The following LCLAT1 variants were observed in gnomAD, a reference collection of about 807,000 sequenced individuals.
LCLAT1 encodes lysocardiolipin acyltransferase 1.
LCLAT1 carries 11 observed loss-of-function variants against 30.7 expected under a neutral mutation model. The observed-to-expected ratio is 0.36, with a 90% CI of 0.23 to 0.59. LCLAT1 has a LOEUF of 0.59. LCLAT1 is among the 20% of genes least tolerant of loss of function. The probability of loss-of-function intolerance (pLI) is 0.77; values close to 1 mark genes in which losing one functional copy is unlikely to be tolerated. For missense variants in LCLAT1, 402 were observed against 458.6 expected (o/e 0.88, Z 1.13); for synonymous variants, 155 against 151.3 (o/e 1.02, Z -0.18).
chr2:30,531,684 T>A (rs1253811137), intron 2 of LCLAT1, among the ~76,000 whole-genome samples: 1 of 152,234 alleles, frequency 6.6e-6, no homozygotes, highest in African/African-American at 2.4e-5. Context: ...ACTTTGACTC[T>A]GTAACAATTT....
At chr2:30,476,085 A>C (rs1362570931) in intron 1 of LCLAT1, among the ~76,000 whole-genome samples, 2 of 152,236 alleles carry the variant, frequency 1.3e-5, no homozygotes, top group Non-Finnish European at 2.9e-5. Context: ...TTCCAAAGGT[A>C]GTATAGGTCA....
chr2:30,557,680 G>A (rs1423487374), intron 3 of LCLAT1, among the ~76,000 whole-genome samples: 1 of 151,936 alleles, frequency 6.6e-6, no homozygotes, highest in Non-Finnish European at 1.5e-5. Context: ...CTCCCAAAGT[G>A]CTGGGATTAC....
At chr2:30,577,060 T>C (rs995553381) in intron 5 of LCLAT1, among the ~76,000 whole-genome samples, 5 of 150,572 alleles carry the variant, frequency 3.3e-5, no homozygotes, top group African/African-American at 1.2e-4. Context: ...TTTCTCCATT[T>C]TATTTTGCAT....
chr2:30,526,009 G>A (rs1351483297), intron 2 of LCLAT1, among the ~76,000 whole-genome samples: 1 of 152,198 alleles, frequency 6.6e-6, no homozygotes, highest in Non-Finnish European at 1.5e-5. Context: ...TGCATCCTCA[G>A]TACAGGCTTA....
At chr2:30,469,574 CTTT>C (rs199634493) in intron 1 of LCLAT1, among the ~76,000 whole-genome samples, 1 of 103,838 alleles carries the variant, frequency 9.6e-6, no homozygotes, top group Non-Finnish European at 1.9e-5. Context: ...CAGGTCTCTT[CTTT>C]TTTTTTTTTT....
chr2:30,471,690 A>T (rs1013332313), intron 1 of LCLAT1, among the ~76,000 whole-genome samples: 2 of 152,042 alleles, frequency 1.3e-5, no homozygotes, highest in Non-Finnish European at 2.9e-5. Context: ...TTTGTTTATT[A>T]CTGGTGCGTA....
chr2:30,625,674 T>G (rs192556463), intron 5 of LCLAT1, among the ~76,000 whole-genome samples: 20 of 152,366 alleles, frequency 1.3e-4, no homozygotes, highest in Admixed American at 1.3e-3. Context: ...TTAATCTGTA[T>G]TGTTATATAT....
At chr2:30,624,416 G>T (rs1014335515) in intron 5 of LCLAT1, among the ~76,000 whole-genome samples, 3 of 152,166 alleles carry the variant, frequency 2.0e-5, no homozygotes, top group Non-Finnish European at 4.4e-5. Flanking sequence ...AGGTAAAGGG[G>T]TGGGAAAGAT....
At chr2:30,555,383 G>A (rs928085850) in intron 3 of LCLAT1, among the ~76,000 whole-genome samples, 21 of 152,032 alleles carry the variant, frequency 1.4e-4, no homozygotes, top group Admixed American at 4.6e-4. Flanking sequence ...GCAACAAGAA[G>A]AAATGATGAG....
At chr2:30,552,981 C>G (rs935122815) in intron 3 of LCLAT1, among the ~76,000 whole-genome samples, 1 of 152,124 alleles carries the variant, frequency 6.6e-6, no homozygotes, top group Non-Finnish European at 1.5e-5. Flanking sequence ...CTTTCTTCCG[C>G]CCTGCTTTTT....
chr2:30,498,669 T>C (rs1684228992), intron 1 of LCLAT1, among the ~76,000 whole-genome samples: 1 of 152,212 alleles, frequency 6.6e-6, no homozygotes, highest in Admixed American at 6.5e-5. Flanking sequence ...ATGGGCATGT[T>C]TGAATGTTTC....
chr2:30,488,523 A>G (rs1476930587), intron 1 of LCLAT1, among the ~76,000 whole-genome samples: 1 of 152,156 alleles, frequency 6.6e-6, no homozygotes, highest in East Asian at 1.9e-4. Flanking sequence ...TTTTCTTTTA[A>G]TGGTTTATAT....
At chr2:30,521,814 C>T (rs771928247) in intron 1 of LCLAT1, among the ~76,000 whole-genome samples, 72 of 151,936 alleles carry the variant, frequency 4.7e-4, no homozygotes, top group Admixed American at 1.4e-3. Context: ...ACCCCCTAAA[C>T]TTATATTGTG....
intron 5 of LCLAT1, among the ~76,000 whole-genome samples, chr2:30,582,638 C>T (rs1427979920): frequency 1.3e-5 from 2 of 152,202 alleles, no homozygotes; most frequent in East Asian, 1.9e-4. Context: ...TTAAAAATTT[C>T]ATCCCCATAG....
chr2:30,613,498 C>T (rs1414833864), intron 5 of LCLAT1, among the ~76,000 whole-genome samples: 3 of 151,412 alleles, frequency 2.0e-5, no homozygotes, highest in African/African-American at 4.9e-5. Flanking sequence ...CCCTACACAC[C>T]TGTGGGTGTT....
At chr2:30,582,784 G>C (rs2148467963) in intron 5 of LCLAT1, among the ~76,000 whole-genome samples, 1 of 152,272 alleles carries the variant, frequency 6.6e-6, no homozygotes, top group Non-Finnish European at 1.5e-5. Context: ...GAAAACTCAG[G>C]ATGAAAACAT....
At chr2:30,447,671 T>A (rs942599722) in intron 1 of LCLAT1, 79 of 151,874 alleles carry the variant, frequency 5.2e-4, no homozygotes, top group African/African-American at 1.9e-3. Flanking sequence ...GAGGGCGAGG[T>A]AGCCGCGGGG....
intron 5 of LCLAT1, among the ~76,000 whole-genome samples, chr2:30,631,558 A>G (rs1668773192): frequency 6.6e-6 from 1 of 152,258 alleles, no homozygotes; most frequent in Non-Finnish European, 1.5e-5. Flanking sequence ...CCCTTGAAGT[A>G]TCAAGATGTT....
chr2:30,503,409 G>C (rs1684493652), intron 1 of LCLAT1, among the ~76,000 whole-genome samples: 1 of 152,144 alleles, frequency 6.6e-6, no homozygotes, highest in Admixed American at 6.5e-5. Flanking sequence ...CTAGGACTGG[G>C]CTTGCTGGAT....
Sources: gnomAD v4.1 joint callset for allele counts (sites outside exome capture counted in the v4.1 genomes callset) on GRCh38, gnomAD v4.1.1 for gene constraint, MANE v1.5 for transcripts, NCBI Gene and HGNC (gene_info 2026-07-23, HGNC 2026-07-21) for gene names.